PSG8: variants seen among roughly 807,000 people sequenced by gnomAD.
PSG8 encodes the protein pregnancy-specific beta-1-glycoprotein 8.
In PSG8, 57 loss-of-function variants were observed where a neutral mutation model predicts 42.5. That is an observed-to-expected ratio of 1.34 (90% CI 1.08 to 1.67). The LOEUF (loss-of-function observed/expected upper bound fraction) is 1.67. Ranked by LOEUF, PSG8 falls within the 40% of genes most tolerant of loss-of-function variation. PSG8 has a pLI of 0.00. For missense variants in PSG8, 783 were observed against 518.6 expected, an observed-to-expected ratio of 1.51 and a Z score of -4.95; for synonymous variants, 280 against 196.8, an observed-to-expected ratio of 1.42 and a Z score of -3.54.
At chr19:42,762,139 G>A (rs1970092367) in intron 2 of PSG8, among the ~76,000 whole-genome samples, 3 of 151,608 alleles carry the variant, frequency 2.0e-5, no homozygotes, top group African/African-American at 4.9e-5. Context: ...GTCAGAGGGA[G>A]TGTCTGGGGA....
chr19:42,761,199 G>C (rs371708033), intron 2 of PSG8, among the ~76,000 whole-genome samples: 26 of 152,314 alleles, frequency 1.7e-4, no homozygotes, highest in East Asian at 1.3e-3. Context: ...CTCACTCATT[G>C]CTGGGCATAG....
rs1969878279 is a variant in PSG8 at position 42,754,892 on chromosome 19, T to G, written c.988+96A>C. On this transcript the variant is annotated intron_variant, in intron 4 of 4. Coordinates refer to ENST00000306511, the MANE Select transcript of PSG8 (RefSeq NM_182707.3). The stretch of plus-strand genomic sequence containing the variant: ...GCTCGGATGTCCAGAAGTGAAGGTG[T>G]CTATACTTGGACCAGAGAGAGAGTG... The G allele has an allele frequency of 1.1e-5, 17 of 1,568,042 alleles. No homozygotes were observed. The South Asian group carries it at 2.0e-4, about 18-fold the overall frequency.
At chr19:42,757,882 G>A in intron 3 of PSG8, 120 bp downstream of exon 3, 19 of 1,607,530 alleles carry the variant, frequency 1.2e-5, no homozygotes, top group Non-Finnish European at 1.6e-5. Flanking sequence ...TCATGGCCAG[G>A]TTTGATGTCC....
chr19:42,764,401 C>T, intron 1 of PSG8, 120 bp from the exon 2 acceptor site: 3 of 1,454,338 alleles, frequency 2.1e-6, no homozygotes, highest in Non-Finnish European at 2.8e-6. Flanking sequence ...GACACACACA[C>T]ATACAAACAC....
rs1449174237 is a variant in PSG8, at chr19:42,758,037, G to A, written c.674C>T (p.Ala225Val). ...CAGGGTGAATGGGTCACTGCGGCTG[G>A]CACTCACTGGGTTCCGTATTTCACA... Reference protein sequence around the residue: ...YECEIRNPVSASRSDPFTLNL... With the variant: ...YECEIRNPVSVSRSDPFTLNL... Residue 225 changes from alanine (A) to valine (V), a missense_variant, in exon 3 of 5, where the codon GCC (alanine) becomes GTC (valine). By Grantham distance (64) the Ala-to-Val change is moderately conservative. Coordinates refer to ENST00000306511, the MANE Select transcript of PSG8 (RefSeq NM_182707.3). 5 of 1,613,934 alleles carry A rather than the reference G, an allele frequency of 3.1e-6. No homozygotes were observed. Among genetic ancestry groups the A allele is most frequent in the South Asian group, 1.1e-5 (1 of 91,072 alleles).
chr19:42,761,724 GGGAGGCTGATTTGAGTAATAATAAACCTC>G (rs1568379167), intron 2 of PSG8, among the ~76,000 whole-genome samples: 1 of 152,020 alleles, frequency 6.6e-6, no homozygotes, highest in Non-Finnish European at 1.5e-5. Flanking sequence ...TGATCCACTG[GGGAGGCTGATTTGAGTAATAATAAACCTC>G]TGTCCTCCTG....
rs751074996 is a variant in PSG8 at position 42,754,256 on chromosome 19, G to A, written c.*39C>T. ...TGGGACGCAGGCTGGGAATAAAAAT[G>A]TTTTCCTGACTCTTCCCTGAAGGCC... On this transcript the variant is annotated 3_prime_UTR_variant, in exon 5 of 5. Coordinates refer to ENST00000306511, the MANE Select transcript of PSG8 (RefSeq NM_182707.3). 7 of 1,603,544 alleles carry A rather than the reference G, an allele frequency of 4.4e-6. No individual in the cohort carries two copies.
In PSG8 at chr19:42,754,630, G is replaced by A. The variant is rs112833880; in HGVS notation, c.989-43C>T. 2.5e-6 allele frequency: 4 copies of A among 1,584,034 alleles called. No homozygotes were observed. In the South Asian group the frequency reaches 3.4e-5, roughly 14 times the overall value. ...AAGCCACAGGTGATGTCATCTGAGG[G>A]AAGGGGATGTTCCTGGTCTCTTAAA... On this transcript the variant is annotated intron_variant, in intron 4 of 4. Transcript: ENST00000306511.
chr19:42,754,804 C>G, intron 4 of PSG8, 184 bp downstream of exon 4: 1 of 1,451,742 alleles, frequency 6.9e-7, no homozygotes, highest in African/African-American at 1.4e-5. Flanking sequence ...GCGTCCACTC[C>G]CCTTATACTC....
In PSG8 at chr19:42,755,134, G is replaced by A. The variant is rs775728209; in HGVS notation, c.842C>T (p.Pro281Leu). Residue 281 changes from proline to leucine, a missense_variant, in exon 4 of 5, where the codon CCG becomes CTG. By Grantham distance (98) the Pro-to-Leu change is moderately conservative. Transcript: ENST00000306511. ...GGGTCGCTTTACCCTGGGACTGACC[G>A]GGAGGCTCTGACCATTTAGCCACCA... Reference protein sequence around the residue: ...YIWWLNGQSLPVSPRVKRPIE... With the variant: ...YIWWLNGQSLLVSPRVKRPIE... 3.1e-6 allele frequency: 5 copies of A among 1,611,832 alleles called. No homozygotes were observed. The highest frequency in any genetic ancestry group is 1.1e-5 in the South Asian group (1 of 90,960).
chr19:42,762,856 A>T (rs1275258034), intron 2 of PSG8, among the ~76,000 whole-genome samples: 2 of 152,076 alleles, frequency 1.3e-5, no homozygotes, highest in African/African-American at 4.8e-5. Flanking sequence ...CCAATAAATG[A>T]CTATGGGGTG....
chr19:42,764,701 T>G (rs1447401503), intron 1 of PSG8, among the ~76,000 whole-genome samples: 2 of 152,082 alleles, frequency 1.3e-5, no homozygotes, highest in African/African-American at 2.4e-5. Flanking sequence ...CCTCCAGGGT[T>G]CTTCTCAACA....
chr19:42,759,264 G>C (rs1483821728), intron 2 of PSG8, among the ~76,000 whole-genome samples: 4 of 152,116 alleles, frequency 2.6e-5, no homozygotes, highest in Non-Finnish European at 5.9e-5. Flanking sequence ...CTATGTACCT[G>C]ATATCAGTGG....
chr19:42,755,399 G>T (rs1969899232), intron 3 of PSG8, 133 bp from the exon 4 acceptor site: 1 of 1,487,560 alleles, frequency 6.7e-7, no homozygotes, highest in East Asian at 2.3e-5. Context: ...TGGTGCGTGT[G>T]TCACAAGACA....
downstream of PSG8, chr19:42,753,970 G>C: frequency 8.1e-6 from 5 of 620,132 alleles, no homozygotes; most frequent in Non-Finnish European, 1.2e-5. Context: ...TTATTGAACT[G>C]CTATAAGCTA....
downstream of PSG8, chr19:42,754,097 T>A (rs1969847495): frequency 1.7e-5 from 20 of 1,162,786 alleles, no homozygotes; most frequent in South Asian, 3.0e-4. Context: ...AATTATTTCA[T>A]TGAAATCAAT....
chr19:42,763,929 G>C lies in PSG8; in HGVS notation c.417C>G (p.Thr139=). Residue 139 remains threonine (T), a synonymous_variant, in exon 2 of 5, where the codon ACC becomes ACG. Transcript: ENST00000306511. ...DENRGVTGHF[T]FTLYLETPKP... is the part of the protein sequence containing the mutation. ...GGAATCACTCACGATATAAGGTGAA[G>C]GTGAAATGTCCAGTTACTCCTCTAT... The C allele has an allele frequency of 4.3e-6, 7 of 1,613,706 alleles. No individual in the cohort carries two copies. The highest frequency in any genetic ancestry group is 5.9e-6 in the Non-Finnish European group (7 of 1,179,782).
chr19:42,754,179 T>C (rs1296709781), downstream of PSG8: 11 of 1,520,016 alleles, frequency 7.2e-6, no homozygotes, highest in Non-Finnish European at 9.7e-6. Flanking sequence ...TTCAAAGTTC[T>C]TAGACAAATT....
At chr19:42,753,848 G>C (rs1322378236), downstream of PSG8, 30 of 454,920 alleles carry the variant, frequency 6.6e-5, no homozygotes, top group Non-Finnish European at 1.1e-4. Context: ...GTGCAAATAT[G>C]TGTATTACCA....
Sources: gnomAD v4.1 joint callset for allele counts (sites outside exome capture counted in the v4.1 genomes callset) on GRCh38, gnomAD v4.1.1 for gene constraint, MANE v1.5 for transcripts, NCBI Gene and HGNC (gene_info 2026-07-23, HGNC 2026-07-21) for gene names.